CDK5RAP2: variants seen among roughly 807,000 people sequenced by gnomAD.
The protein encoded by CDK5RAP2 is CDK5 regulatory subunit-associated protein 2.
A neutral mutation model predicts 232.9 loss-of-function variants in CDK5RAP2; 147 were observed. That is an observed-to-expected ratio of 0.63 (90% CI 0.55 to 0.72). The LOEUF (loss-of-function observed/expected upper bound fraction) is 0.72, where lower values mean the gene tolerates loss of function less well. Among genes scored for constraint, CDK5RAP2 ranks in the 30% least tolerant of loss-of-function variants. The pLI is 0.00. For synonymous variants in CDK5RAP2, 833 were observed against 833.7 expected (o/e 1.00, Z 0.01); for missense variants, 2,195 against 2,231.5 (o/e 0.98, Z 0.33).
In CDK5RAP2 at chr9:120,538,763, T is replaced by C. The variant is rs1015604710; in HGVS notation, c.507+278A>G. On this transcript the variant is annotated intron_variant, in intron 6 of 37. Coordinates refer to ENST00000349780, the MANE Select transcript of CDK5RAP2 (RefSeq NM_018249.6). ...TAGTTAAACCCAGGATTAAACCTAC[T>C]AGTATTAGGTTAAGCCTATTAAACG... Among the ~76,000 whole-genome samples the C allele has an allele frequency of 3.3e-5, 5 of 152,340 alleles. No individual in the cohort carries two copies. The East Asian group carries it at 7.7e-4, about 24-fold the overall frequency.
In CDK5RAP2 at chr9:120,458,471, G is replaced by A. The variant is rs758161790; in HGVS notation, c.2354C>T (p.Ala785Val). 2 of 1,614,030 alleles carry A rather than the reference G, an allele frequency of 1.2e-6. No individual in the cohort carries two copies. The highest frequency in any genetic ancestry group is 2.2e-5 in the South Asian group (2 of 91,078). Residue 785 changes from alanine to valine, a missense_variant, in exon 20 of 38, where the codon GCC becomes GTC. Physicochemically the swap from Ala to Val is moderately conservative, Grantham distance 64. Transcript: ENST00000349780. ...NLLAPLFNEK[A>V]TLLLESRPDL... is the part of the protein sequence containing the mutation. Reference sequence around the variant, plus strand: ...ATACCTGGATTCCAGTAATAATGTGGCCTTCTCATTGAACAAAGGGGCAAG... The same window carrying A: ...ATACCTGGATTCCAGTAATAATGTGACCTTCTCATTGAACAAAGGGGCAAG...
Position 120,524,701 on chromosome 9 carries a change from A to G in CDK5RAP2, c.1092+285T>C, listed in dbSNP as rs75220571. Among the ~76,000 whole-genome samples the G allele has an allele frequency of 0.018, 2,737 of 152,218 alleles. 85 individuals are homozygous for G. The highest frequency in any genetic ancestry group is 0.062 in the African/African-American group (2,574 of 41,506). On this transcript the variant is annotated intron_variant, in intron 11 of 37. Transcript: ENST00000349780. ...GACTACCTTTCCCACAGGCTGGTGA[A>G]GATTAAATGAGATAATCCACATATC...
intron 11 of CDK5RAP2, among the ~76,000 whole-genome samples, chr9:120,520,811 A>G (rs56124562): frequency 0.71 from 44,213 of 61,844 alleles, 18,149 homozygotes; most frequent in Non-Finnish European, 0.86. Context: ...CTCATGAGAT[A>G]TATCTCATAT....
chr9:120,475,511 C>T (rs1010957304), intron 15 of CDK5RAP2, among the ~76,000 whole-genome samples: 9 of 152,100 alleles, frequency 5.9e-5, no homozygotes, highest in Non-Finnish European at 1.2e-4. Context: ...AGAGAAGCTG[C>T]GCAATTGAAA....
chr9:120,547,637 G>GT (rs2041898007), intron 4 of CDK5RAP2, among the ~76,000 whole-genome samples: 1 of 152,024 alleles, frequency 6.6e-6, no homozygotes, highest in Admixed American at 6.6e-5. Flanking sequence ...AAGATTTACC[G>GT]TCTCACAGGA....
Position 120,414,986 on chromosome 9 carries a change from T to A in CDK5RAP2, c.4297+54A>T, listed in dbSNP as rs1047598414. The A allele has an allele frequency of 2.5e-6, 4 of 1,605,110 alleles. No homozygotes were observed. The African/African-American group carries it at 5.4e-5, about 21-fold the overall frequency. On this transcript the variant is annotated intron_variant, in intron 28 of 37. Coordinates refer to ENST00000349780, the MANE Select transcript of CDK5RAP2 (RefSeq NM_018249.6). ...ACAGATGCTTACTCAGGCAAATGCG[T>A]CACAGTGAAGCACTCACAGACATGT...
chr9:120,533,759 C>T (rs188575756), intron 7 of CDK5RAP2, among the ~76,000 whole-genome samples: 58 of 143,392 alleles, frequency 4.0e-4, no homozygotes, highest in East Asian at 1.0e-3. Context: ...GATCACGCCA[C>T]TGCACTCTAG....
intron 36 of CDK5RAP2, among the ~76,000 whole-genome samples, chr9:120,393,218 G>A (rs997768293): frequency 2.0e-5 from 3 of 152,082 alleles, no homozygotes; most frequent in Non-Finnish European, 4.4e-5. Flanking sequence ...TCAGCACATC[G>A]TCCTGCAGCT....
chr9:120,531,730 A>C (rs1230970376), intron 7 of CDK5RAP2, among the ~76,000 whole-genome samples: 1 of 152,228 alleles, frequency 6.6e-6, no homozygotes, highest in East Asian at 1.9e-4. Flanking sequence ...AAGATTTTGC[A>C]GTCAGACAGA....
At chr9:120,499,258 G>C (rs902641493) in intron 12 of CDK5RAP2, among the ~76,000 whole-genome samples, 3 of 152,162 alleles carry the variant, frequency 2.0e-5, no homozygotes, top group Non-Finnish European at 4.4e-5. Context: ...GGGAGTGAGG[G>C]GGAGGGCAGA....
chr9:120,443,523 G>C (rs2036015645), intron 23 of CDK5RAP2, 97 bp downstream of exon 23: 3 of 1,308,630 alleles, frequency 2.3e-6, no homozygotes, highest in Non-Finnish European at 3.3e-6. Flanking sequence ...TGCCCTGAGA[G>C]GGCTGCTATG....
chr9:120,433,868 A>G (rs2035422739), intron 25 of CDK5RAP2, among the ~76,000 whole-genome samples: 1 of 152,190 alleles, frequency 6.6e-6, no homozygotes, highest in Non-Finnish European at 1.5e-5. Context: ...CACTAGATTC[A>G]CTGACTCACT....
chr9:120,408,132 C>T (rs899602016), intron 31 of CDK5RAP2: 8 of 601,484 alleles, frequency 1.3e-5, no homozygotes, highest in African/African-American at 1.1e-4. Flanking sequence ...ACCCGGACCT[C>T]GGCTGGCCTG....
intron 15 of CDK5RAP2, among the ~76,000 whole-genome samples, chr9:120,473,482 T>C (rs2037834118): frequency 6.6e-6 from 1 of 152,212 alleles, no homozygotes; most frequent in Non-Finnish European, 1.5e-5. Flanking sequence ...GCCCCGCTTC[T>C]CCTTCAGAGA....
At chr9:120,528,942 T>C in intron 8 of CDK5RAP2, 145 bp from the exon 9 acceptor site, 1 of 683,476 alleles carries the variant, frequency 1.5e-6, no homozygotes. Context: ...CCTCCCTCTC[T>C]CCACCCCACC....
intron 12 of CDK5RAP2, among the ~76,000 whole-genome samples, chr9:120,510,781 T>C (rs1299508463): frequency 1.3e-5 from 2 of 152,196 alleles, no homozygotes; most frequent in Non-Finnish European, 2.9e-5. Flanking sequence ...CTGAGTTTCC[T>C]TCAAGGGATA....
At chr9:120,565,325 GC>G (rs1346273374) in intron 3 of CDK5RAP2, among the ~76,000 whole-genome samples, 1 of 151,898 alleles carries the variant, frequency 6.6e-6, no homozygotes, top group Non-Finnish European at 1.5e-5. Flanking sequence ...CTCCCTTTGG[GC>G]CCACAACACC....
intron 9 of CDK5RAP2, among the ~76,000 whole-genome samples, chr9:120,528,156 G>A (rs568472334): frequency 1.1e-4 from 17 of 152,318 alleles, no homozygotes; most frequent in East Asian, 1.9e-4. Context: ...CAGTTGAGAC[G>A]ATGACAGCTA....
chr9:120,526,887 C>T (rs1025666631), intron 10 of CDK5RAP2, among the ~76,000 whole-genome samples: 1 of 152,092 alleles, frequency 6.6e-6, no homozygotes, highest in African/African-American at 2.4e-5. Flanking sequence ...TAATGGCATC[C>T]CCGTCCCTGC....
Sources: gnomAD v4.1 joint callset for allele counts (sites outside exome capture counted in the v4.1 genomes callset) on GRCh38, gnomAD v4.1.1 for gene constraint, MANE v1.5 for transcripts, NCBI Gene and HGNC (gene_info 2026-07-23, HGNC 2026-07-21) for gene names.